Variants in LRRC4C observed in about 807,000 individuals in gnomAD.
LRRC4C encodes leucine rich repeat containing 4C.
A neutral mutation model predicts 33.6 loss-of-function variants in LRRC4C; 5 were observed. That is an observed-to-expected ratio of 0.15 (90% CI 0.08 to 0.31). The LOEUF is 0.31. LRRC4C is among the 10% of genes least tolerant of loss of function. The pLI is 1.00. For missense variants in LRRC4C, 560 were observed against 796.7 expected (o/e 0.70, Z 3.58); for synonymous variants, 329 against 302.0 (o/e 1.09, Z -0.93).
chr11:41,255,771 A>G (rs1483202321), intron 1 of LRRC4C, among the ~76,000 whole-genome samples: 2 of 151,960 alleles, frequency 1.3e-5, no homozygotes, highest in Admixed American at 1.3e-4. Context: ...TAAGCTAAAC[A>G]CAGATTAAAC....
chr11:41,096,136 C>G (rs753522353), intron 1 of LRRC4C, among the ~76,000 whole-genome samples: 1 of 152,058 alleles, frequency 6.6e-6, no homozygotes. Context: ...AACTCTAACT[C>G]TAATCGACAT....
chr11:40,980,315 T>A (rs1852425895), intron 1 of LRRC4C, among the ~76,000 whole-genome samples: 1 of 152,178 alleles, frequency 6.6e-6, no homozygotes. Flanking sequence ...CAAGAAAAGT[T>A]TGTTGTTGTC....
At chr11:40,419,119 C>T (rs1228301291) in intron 3 of LRRC4C, among the ~76,000 whole-genome samples, 1 of 151,684 alleles carries the variant, frequency 6.6e-6, no homozygotes, top group Non-Finnish European at 1.5e-5. Flanking sequence ...CACTTGTACC[C>T]TGGAACTTAA....
At chr11:41,387,679 G>T (rs1167647865) in intron 1 of LRRC4C, among the ~76,000 whole-genome samples, 2 of 151,706 alleles carry the variant, frequency 1.3e-5, no homozygotes, top group Non-Finnish European at 2.9e-5. Context: ...CCTAATAACT[G>T]TAAACAAAAT....
At chr11:40,916,873 T>A (rs899645330) in intron 2 of LRRC4C, among the ~76,000 whole-genome samples, 13 of 152,096 alleles carry the variant, frequency 8.5e-5, no homozygotes, top group African/African-American at 3.1e-4. Context: ...GAACATGAAA[T>A]ATGTATATTA....
intron 1 of LRRC4C, among the ~76,000 whole-genome samples, chr11:40,943,215 T>A (rs1958237533): frequency 6.6e-6 from 1 of 152,178 alleles, no homozygotes; most frequent in Admixed American, 6.6e-5. Context: ...TACTGTTAGG[T>A]GATTTACACA....
chr11:40,464,814 C>A (rs191563247), intron 3 of LRRC4C, among the ~76,000 whole-genome samples: 1 of 151,464 alleles, frequency 6.6e-6, no homozygotes, highest in Non-Finnish European at 1.5e-5. Flanking sequence ...TAATTTTAGA[C>A]GACACAAGCA....
intron 1 of LRRC4C, among the ~76,000 whole-genome samples, chr11:40,978,116 C>T (rs1592241832): frequency 6.6e-6 from 1 of 152,300 alleles, no homozygotes; most frequent in South Asian, 2.1e-4. Flanking sequence ...GTCTAAACTA[C>T]CATTATTTCT....
chr11:41,343,392 A>C (rs1951700818), intron 1 of LRRC4C, among the ~76,000 whole-genome samples: 1 of 152,186 alleles, frequency 6.6e-6, no homozygotes, highest in African/African-American at 2.4e-5. Flanking sequence ...AAAACAAAAC[A>C]GTAGCCACTG....
chr11:41,285,883 G>A (rs779110384), intron 1 of LRRC4C, among the ~76,000 whole-genome samples: 6 of 151,852 alleles, frequency 4.0e-5, no homozygotes, highest in African/African-American at 9.7e-5. Flanking sequence ...AGGCTGGAGC[G>A]CAGTGGCATG....
rs368069353 is a variant in LRRC4C at position 40,585,741 on chromosome 11, C to T, written c.-270+62401G>A. ...TGCAGTGTTTGGTTTTTTGTTCTTG[C>T]GATAGTTTACTGAGAATGATGATTT... On this transcript the variant is annotated intron_variant, in intron 3 of 6. Transcript: ENST00000528697. Among the ~76,000 whole-genome samples, 72 of 140,948 alleles carry T rather than the reference C, an allele frequency of 5.1e-4. 1 individual carries two copies. Among genetic ancestry groups the T allele is most frequent in the African/African-American group, 1.6e-3 (64 of 38,790 alleles). 92.5% of individuals were successfully genotyped at this position (140,948 alleles called of 152,430 possible). A position where few individuals can be genotyped will look rare whatever the true frequency, so the allele number is the denominator to read the frequency against.
chr11:40,192,341 C>T (rs777277405), intron 5 of LRRC4C, among the ~76,000 whole-genome samples: 7 of 152,100 alleles, frequency 4.6e-5, no homozygotes, highest in East Asian at 3.9e-4. Flanking sequence ...GGTTGGGCAT[C>T]GCCTCACCCA....
chr11:41,159,520 GCAGA>G (rs747964151), intron 1 of LRRC4C, among the ~76,000 whole-genome samples: 18 of 151,976 alleles, frequency 1.2e-4, no homozygotes, highest in Middle Eastern at 3.2e-3. Flanking sequence ...GAAACAATGA[GCAGA>G]CAGATTTTTT....
At chr11:41,292,524 A>G (rs1232136407) in intron 1 of LRRC4C, among the ~76,000 whole-genome samples, 3 of 151,968 alleles carry the variant, frequency 2.0e-5, no homozygotes, top group Non-Finnish European at 2.9e-5. Context: ...AATGCATAAA[A>G]ATTATATTTT....
At chr11:40,343,455 A>T (rs11823367) in intron 3 of LRRC4C, among the ~76,000 whole-genome samples, 1,783 of 152,086 alleles carry the variant, frequency 0.012, 32 homozygotes, top group African/African-American at 0.04. Context: ...TTATTCAGTC[A>T]CCCATGTTAT....
chr11:41,392,245 G>A (rs1399573881), intron 1 of LRRC4C, among the ~76,000 whole-genome samples: 1 of 151,842 alleles, frequency 6.6e-6, no homozygotes, highest in African/African-American at 2.4e-5. Flanking sequence ...TCCCACGTAT[G>A]ATGTAAGCCA....
intron 5 of LRRC4C, among the ~76,000 whole-genome samples, chr11:40,175,423 ATTC>A (rs1860394149): frequency 6.6e-6 from 1 of 152,208 alleles, no homozygotes. Flanking sequence ...CAACAGCTGA[ATTC>A]TTCTACTCAA....
chr11:41,420,331 G>A (rs948026353), intron 1 of LRRC4C, among the ~76,000 whole-genome samples: 1 of 151,778 alleles, frequency 6.6e-6, no homozygotes, highest in Admixed American at 6.6e-5. Flanking sequence ...TGTTGAACTC[G>A]GTATCCACTA....
chr11:40,154,965 C>G (rs1381117999), intron 5 of LRRC4C, among the ~76,000 whole-genome samples: 1 of 151,994 alleles, frequency 6.6e-6, no homozygotes, highest in Non-Finnish European at 1.5e-5. Context: ...ATAAAATGAG[C>G]CTCAATAAAT....
Sources: allele counts gnomAD v4.1 joint callset (sites outside exome capture counted in the v4.1 genomes callset), GRCh38; gene constraint gnomAD v4.1.1; transcripts MANE v1.5; gene names NCBI Gene and HGNC (gene_info 2026-07-23, HGNC 2026-07-21).